The following PCDH15 variants were observed in gnomAD, a reference collection of about 807,000 sequenced individuals.
PCDH15 encodes the protein protocadherin related 15.
In PCDH15, 129 loss-of-function variants were observed where a neutral mutation model predicts 178.5. The ratio of observed to expected loss-of-function variants is 0.72; its 90% CI spans 0.63 to 0.84. The LOEUF (loss-of-function observed/expected upper bound fraction) is 0.84. Among genes scored for constraint, PCDH15 ranks in the 40% least tolerant of loss-of-function variants. PCDH15 has a pLI of 0.00. For missense variants in PCDH15, 2,230 were observed against 2,099.9 expected (o/e 1.06, Z -1.21); for synonymous variants, 800 against 732.0 (o/e 1.09, Z -1.50).
intron 2 of PCDH15, among the ~76,000 whole-genome samples, chr10:55,511,034 T>TG (rs1437140031): frequency 1.3e-5 from 2 of 149,808 alleles, no homozygotes; most frequent in African/African-American, 5.0e-5. Context: ...TAATTTGTTT[T>TG]TTTTGTTTGT....
intron 18 of PCDH15, among the ~76,000 whole-genome samples, chr10:54,064,715 C>G (rs950033464): frequency 2.6e-5 from 4 of 152,168 alleles, no homozygotes; most frequent in Non-Finnish European, 5.9e-5. Context: ...CTGGTTGTGA[C>G]AGCACCTGGG....
intron 1 of PCDH15, among the ~76,000 whole-genome samples, chr10:55,248,818 A>G (rs902029663): frequency 6.6e-6 from 1 of 152,072 alleles, no homozygotes; most frequent in Non-Finnish European, 1.5e-5. Flanking sequence ...CAGCCTCCCA[A>G]AGAGCTGGGA....
intron 17 of PCDH15, among the ~76,000 whole-genome samples, chr10:54,078,557 A>T (rs929992174): frequency 5.3e-5 from 8 of 152,096 alleles, no homozygotes; most frequent in African/African-American, 1.4e-4. Context: ...ATTTCTAGAC[A>T]ATAGCACTGA....
chr10:54,948,928 G>A (rs1258012243), intron 2 of PCDH15, among the ~76,000 whole-genome samples: 5 of 151,830 alleles, frequency 3.3e-5, no homozygotes, highest in African/African-American at 1.2e-4. Context: ...CACAGTATAT[G>A]TTAGCCTTGG....
chr10:55,256,970 C>T (rs1435438346), intron 1 of PCDH15, among the ~76,000 whole-genome samples: 2 of 152,172 alleles, frequency 1.3e-5, no homozygotes, highest in African/African-American at 4.8e-5. Flanking sequence ...TGGGAGGCAC[C>T]CCCGAGTAGG....
intron 3 of PCDH15, among the ~76,000 whole-genome samples, chr10:54,824,034 C>A (rs568965524): frequency 6.6e-6 from 1 of 152,254 alleles, no homozygotes; most frequent in East Asian, 1.9e-4. Context: ...AGCATATTAG[C>A]ACAATCTCTT....
intron 3 of PCDH15, among the ~76,000 whole-genome samples, chr10:54,894,981 C>T (rs901871460): frequency 3.2e-4 from 48 of 152,246 alleles, no homozygotes; most frequent in African/African-American, 9.4e-4. Context: ...TCTCTTGCAA[C>T]GTGCCTATCT....
At chr10:54,879,675 T>C (rs1267416400) in intron 3 of PCDH15, among the ~76,000 whole-genome samples, 3 of 151,206 alleles carry the variant, frequency 2.0e-5, no homozygotes, top group Non-Finnish European at 4.4e-5. Flanking sequence ...AAATATTTAA[T>C]GTATATTAAA....
intron 2 of PCDH15, among the ~76,000 whole-genome samples, chr10:54,594,020 G>A (rs541428373): frequency 2.6e-5 from 4 of 152,142 alleles, no homozygotes; most frequent in Admixed American, 2.6e-4. Flanking sequence ...GGGATAAAGG[G>A]AGATGAAGCT....
chr10:54,731,787 G>T (rs1943441637), intron 1 of PCDH15, among the ~76,000 whole-genome samples: 1 of 150,562 alleles, frequency 6.6e-6, no homozygotes. Flanking sequence ...TTGGGTACCA[G>T]TGGCCAGGAA....
chr10:55,032,870 G>A (rs1025122264), intron 2 of PCDH15, among the ~76,000 whole-genome samples: 1 of 152,116 alleles, frequency 6.6e-6, no homozygotes, highest in Admixed American at 6.5e-5. Flanking sequence ...TGGAATTTCA[G>A]TACTCCAAAT....
intron 2 of PCDH15, chr10:54,607,831 T>C (rs1289687427): frequency 1.9e-6 from 1 of 526,006 alleles, no homozygotes; most frequent in Non-Finnish European, 3.9e-6. Flanking sequence ...GGAAGAGATA[T>C]GATGCCATGA....
At chr10:53,934,897 C>A (rs1292908951) in intron 25 of PCDH15, among the ~76,000 whole-genome samples, 1 of 150,448 alleles carries the variant, frequency 6.6e-6, no homozygotes, top group Admixed American at 6.6e-5. Flanking sequence ...AGCATAAGAA[C>A]TTGTGGCCAG....
intron 2 of PCDH15, among the ~76,000 whole-genome samples, chr10:55,349,251 G>C (rs1051357058): frequency 3.9e-5 from 6 of 152,088 alleles, no homozygotes; most frequent in Non-Finnish European, 7.4e-5. Context: ...CTAATCACCA[G>C]TGCTAGAAGA....
intron 2 of PCDH15, among the ~76,000 whole-genome samples, chr10:54,965,859 A>T (rs1281668455): frequency 6.6e-6 from 1 of 151,100 alleles, no homozygotes; most frequent in Non-Finnish European, 1.5e-5. Flanking sequence ...AAAATCATTA[A>T]TATCACATAG....
At chr10:54,946,343 T>A (rs1340223032) in intron 2 of PCDH15, among the ~76,000 whole-genome samples, 1 of 151,790 alleles carries the variant, frequency 6.6e-6, no homozygotes, top group Non-Finnish European at 1.5e-5. Flanking sequence ...GAAACAATGA[T>A]CTCAAAGTAG....
intron 2 of PCDH15, among the ~76,000 whole-genome samples, chr10:54,534,021 C>T (rs919437203): frequency 2.6e-5 from 4 of 152,080 alleles, no homozygotes; most frequent in African/African-American, 9.7e-5. Flanking sequence ...AGAGTAATTA[C>T]AACTAACTCA....
chr10:54,779,476 A>G (rs1382611384), intron 1 of PCDH15, among the ~76,000 whole-genome samples: 1 of 115,364 alleles, frequency 8.7e-6, no homozygotes, highest in African/African-American at 3.1e-5. Context: ...ATATATATAC[A>G]CACATATATA....
chr10:55,092,766 T>C (rs1008410974), intron 2 of PCDH15, among the ~76,000 whole-genome samples: 1 of 151,962 alleles, frequency 6.6e-6, no homozygotes, highest in African/African-American at 2.4e-5. Context: ...TATTTCAATT[T>C]TGAAAGTAAG....
Sources: allele counts gnomAD v4.1 joint callset (sites outside exome capture counted in the v4.1 genomes callset), GRCh38; gene constraint gnomAD v4.1.1; transcripts MANE v1.5; gene names NCBI Gene and HGNC (gene_info 2026-07-23, HGNC 2026-07-21).